The following TFEC variants were observed in gnomAD, a reference collection of about 807,000 sequenced individuals.
The protein encoded by TFEC is class E basic helix-loop-helix protein 34.
Under a neutral mutation model 41.6 loss-of-function variants are expected in TFEC, and 31 were observed. The ratio of observed to expected loss-of-function variants is 0.74; its 90% confidence interval spans 0.56 to 1.01. TFEC has a LOEUF of 1.01. TFEC is among the 50% of genes least tolerant of loss of function. The pLI is 0.00. For missense variants in TFEC, 402 were observed against 404.1 expected, an observed-to-expected ratio of 0.99 and a Z score of 0.04; for synonymous variants, 143 against 140.6, an observed-to-expected ratio of 1.02 and a Z score of -0.12.
rs183586602 is a variant in TFEC, at chr7:116,130,878, C to T, written c.-68-18840G>A. ...TTGCCCACTTTGGCCTCCCAAAGTA[C>T]TGGGATTATAGGCATGAGCCACTGC... On this transcript the variant is annotated intron_variant, in intron 1 of 8. Transcript: ENST00000484212. Among the ~76,000 whole-genome samples, 14 of 152,314 alleles carry T rather than the reference C, an allele frequency of 9.2e-5. No individual in the cohort carries two copies. The East Asian group carries it at 2.7e-3, about 29-fold the overall frequency.
At chr7:115,988,126 T>G (rs1255783400) in intron 1 of TFEC, among the ~76,000 whole-genome samples, 1 of 152,160 alleles carries the variant, frequency 6.6e-6, no homozygotes. Flanking sequence ...ACTAACAGCT[T>G]ATTTATAAGT....
chr7:116,159,472 G>A (rs1165975313), intron 1 of TFEC, among the ~76,000 whole-genome samples: 1 of 151,872 alleles, frequency 6.6e-6, no homozygotes, highest in Non-Finnish European at 1.5e-5. Flanking sequence ...AAACTTCAGC[G>A]ATATTTGAAA....
At chr7:116,085,181 C>G (rs1246035518) in intron 3 of TFEC, among the ~76,000 whole-genome samples, 1 of 151,722 alleles carries the variant, frequency 6.6e-6, no homozygotes, top group East Asian at 1.9e-4. Flanking sequence ...AGTTTGCAAT[C>G]TAGTGAAAGG....
At chr7:116,111,298 G>T (rs1797850551) in intron 2 of TFEC, among the ~76,000 whole-genome samples, 1 of 151,886 alleles carries the variant, frequency 6.6e-6, no homozygotes, top group African/African-American at 2.4e-5. Context: ...AAAACAGTCT[G>T]TTTTCTGTTC....
chr7:116,157,908 T>G (rs1389305383), intron 1 of TFEC, among the ~76,000 whole-genome samples: 2 of 152,166 alleles, frequency 1.3e-5, no homozygotes, highest in Non-Finnish European at 2.9e-5. Flanking sequence ...TGTACATTAT[T>G]CGGCTTTGAA....
At chr7:116,090,971 G>T (rs538064198) in intron 3 of TFEC, among the ~76,000 whole-genome samples, 189 of 152,048 alleles carry the variant, frequency 1.2e-3, no homozygotes, top group African/African-American at 4.4e-3. Context: ...TGTCGGGGGT[G>T]GGGGGCAAGG....
At chr7:116,057,304 A>C (rs1384302318) in intron 3 of TFEC, among the ~76,000 whole-genome samples, 1 of 152,074 alleles carries the variant, frequency 6.6e-6, no homozygotes, top group Non-Finnish European at 1.5e-5. Flanking sequence ...CATAGATTCA[A>C]GAAGCTAAAT....
intron 3 of TFEC, among the ~76,000 whole-genome samples, chr7:116,064,714 TA>T (rs1382482667): frequency 6.6e-6 from 1 of 151,524 alleles, no homozygotes; most frequent in South Asian, 2.1e-4. Context: ...AAAGTAAAAT[TA>T]AAAAAAAGAG....
At chr7:115,974,439 TATATATATATAAA>T (rs1793288640) in intron 2 of TFEC, among the ~76,000 whole-genome samples, 183 bp from the exon 3 acceptor site, 1 of 53,838 alleles carries the variant, frequency 1.9e-5, no homozygotes, top group South Asian at 5.2e-4. Context: ...TATATATATA[TATATATATATAAA>T]AACACAGATT....
Position 116,099,222 on chromosome 7 carries a change from C to A in TFEC, c.198+11486G>T, listed in dbSNP as rs117042493. Among the ~76,000 whole-genome samples, 224 of 152,220 alleles carry A rather than the reference C, an allele frequency of 1.5e-3. 1 individual carries two copies. The highest frequency in any genetic ancestry group is 2.0e-3 in the Non-Finnish European group (139 of 68,012). The stretch of plus-strand genomic sequence containing the variant: ...AGAAAAACTGATCAAGTAAGGAATT[C>A]GTTTCACTGATCTTTACATTTTCTA... On this transcript the variant is annotated intron_variant, in intron 3 of 8. Transcript: ENST00000484212.
At chr7:116,135,834 C>A (rs1798422232) in intron 1 of TFEC, among the ~76,000 whole-genome samples, 1 of 152,006 alleles carries the variant, frequency 6.6e-6, no homozygotes, top group Non-Finnish European at 1.5e-5. Flanking sequence ...GGAGAATTTG[C>A]ATTTCTAATT....
intron 6 of TFEC, among the ~76,000 whole-genome samples, chr7:115,949,551 A>C (rs1322388577): frequency 2.6e-5 from 4 of 152,054 alleles, no homozygotes; most frequent in African/African-American, 7.2e-5. Context: ...TACCGCATAT[A>C]TAAAACTATC....
chr7:115,950,022 T>G lies in TFEC; in HGVS notation c.515+852A>C, dbSNP rs1179481351. Reference sequence around the variant, plus strand: ...ACAGATTCCATGTTTTCACTTTTTTTTTTTTTTGAGATGGAGTCTTGCTCT... The same window carrying G: ...ACAGATTCCATGTTTTCACTTTTTTGTTTTTTTGAGATGGAGTCTTGCTCT... On this transcript the variant is annotated intron_variant, in intron 6 of 7. Transcript: ENST00000265440. 5.9e-5 allele frequency among the ~76,000 whole-genome samples: 9 copies of G among 151,318 alleles called. No individual in the cohort carries two copies. The East Asian group carries it at 1.8e-3, about 30-fold the overall frequency.
rs188222209 is a variant in TFEC, at chr7:116,070,423, G to A, written c.198+40285C>T. On this transcript the variant is annotated intron_variant, in intron 3 of 8. Coordinates refer to the TFEC transcript ENST00000484212. ...TTATTTAGAAATCTAATATTTATAA[G>A]CAACGACTGAACCAATAAATTACCT... Among the ~76,000 whole-genome samples the A allele has an allele frequency of 3.5e-3, 536 of 151,380 alleles. 11 individuals carry two copies. The highest frequency in any genetic ancestry group is 0.033 in the Admixed American group (502 of 15,126).
chr7:116,109,167 G>C (rs1323724748), intron 3 of TFEC, among the ~76,000 whole-genome samples: 1 of 151,746 alleles, frequency 6.6e-6, no homozygotes, highest in Non-Finnish European at 1.5e-5. Context: ...GCATGGGCAA[G>C]GACTTCATGT....
intron 3 of TFEC, among the ~76,000 whole-genome samples, chr7:116,065,319 G>C (rs1388220950): frequency 6.6e-6 from 1 of 152,054 alleles, no homozygotes. Context: ...CCTGAGAAAA[G>C]TTCCTAGGAG....
chr7:116,156,012 GTTT>G (rs954840985), intron 1 of TFEC, among the ~76,000 whole-genome samples: 1 of 152,104 alleles, frequency 6.6e-6, no homozygotes, highest in Non-Finnish European at 1.5e-5. Context: ...TGATTTCTGA[GTTT>G]TTTGTTTTTG....
intron 3 of TFEC, among the ~76,000 whole-genome samples, chr7:116,058,842 T>C (rs1796487581): frequency 1.3e-5 from 2 of 151,862 alleles, no homozygotes; most frequent in African/African-American, 4.8e-5. Flanking sequence ...TTGAACTGAA[T>C]GAAGACAGGA....
At chr7:116,151,306 G>A (rs543663673) in intron 1 of TFEC, among the ~76,000 whole-genome samples, 8 of 142,572 alleles carry the variant, frequency 5.6e-5, no homozygotes, top group African/African-American at 2.1e-4. Context: ...GCAGTTGCAC[G>A]ATCTCAGCTC....
Sources: allele counts gnomAD v4.1 joint callset (sites outside exome capture counted in the v4.1 genomes callset), GRCh38; gene constraint gnomAD v4.1.1; transcripts MANE v1.5; gene names NCBI Gene and HGNC (gene_info 2026-07-23, HGNC 2026-07-21).